VTI1B: variants seen among roughly 807,000 people sequenced by gnomAD.
The protein encoded by VTI1B is vesicle transport through interaction with t-SNAREs homolog 1B.
A neutral mutation model predicts 28.6 loss-of-function variants in VTI1B; 18 were observed. That is an observed-to-expected ratio of 0.63 (90% CI 0.43 to 0.93). The LOEUF (loss-of-function observed/expected upper bound fraction) is 0.93. VTI1B is among the 40% of genes least tolerant of loss of function. The pLI, the probability that VTI1B is intolerant of heterozygous loss-of-function variation, is 0.00. For synonymous variants in VTI1B, 100 were observed against 107.9 expected (o/e 0.93, Z 0.46); for missense variants, 283 against 297.0 (o/e 0.95, Z 0.35).
Position 67,648,719 on chromosome 14 carries a change from G to A in VTI1B, c.*2666C>T, listed in dbSNP as rs998445441. 2.0e-5 allele frequency: 3 copies of A among 152,272 alleles called. No individual in the cohort carries two copies. Among genetic ancestry groups the A allele is most frequent in the African/African-American group, 7.2e-5 (3 of 41,468 alleles). 9.4% of individuals were successfully genotyped at this position (152,272 alleles called of 1,614,324 possible). ...GAATGGCTGATGGAAAGAGTACTAAGATGAATTCTACGTTATCAAGACTGG... is the reference window on the plus strand; with the variant it reads ...GAATGGCTGATGGAAAGAGTACTAAAATGAATTCTACGTTATCAAGACTGG... On this transcript the variant is annotated 3_prime_UTR_variant, in exon 6 of 6. Coordinates refer to ENST00000554659, the MANE Select transcript of VTI1B (RefSeq NM_006370.3).
chr14:67,656,280 GAAAAGCATAAGAACTTAA>G (rs2037256577), intron 4 of VTI1B, 118 bp downstream of exon 4: 1 of 801,122 alleles, frequency 1.2e-6, no homozygotes, highest in African/African-American at 1.8e-5. Flanking sequence ...TAAAAATTGA[GAAAAGCATAAGAACTTAA>G]AAAAGACTAT....
chr14:67,649,977 T>TG lies in VTI1B; in HGVS notation c.*1407dup, dbSNP rs2037150975. 1 of 152,262 alleles carries TG rather than the reference T, an allele frequency of 6.6e-6. No homozygotes were observed. Among genetic ancestry groups the TG allele is most frequent in the Non-Finnish European group, 1.5e-5 (1 of 68,102 alleles). 9.4% of individuals were successfully genotyped at this position (152,262 alleles called of 1,614,324 possible). A position where few individuals can be genotyped will look rare whatever the true frequency, so the allele number is the denominator to read the frequency against. On this transcript the variant is annotated 3_prime_UTR_variant, in exon 6 of 6. Transcript: ENST00000554659. ...TTCTGGTTTAAGCTTCCCTTCCACT[T>TG]GCTCCAGGCCAAAGGAACACTACCG...
rs1235503555 is a variant in VTI1B at position 67,647,732 on chromosome 14, A to C, written c.*3653T>G. On this transcript the variant is annotated 3_prime_UTR_variant, in exon 6 of 6. Coordinates refer to ENST00000554659, the MANE Select transcript of VTI1B (RefSeq NM_006370.3). ...AGCCCAATCTCATCTAGAAGTGAAG[A>C]AATCTCTCTATTGACAGTTATTAGT... 1 of 228,676 alleles carries C rather than the reference A, an allele frequency of 4.4e-6. No homozygotes were observed. The highest frequency in any genetic ancestry group is 8.5e-6 in the Non-Finnish European group (1 of 117,546). 14.2% of individuals were successfully genotyped at this position (228,676 alleles called of 1,614,324 possible). A position where few individuals can be genotyped will look rare whatever the true frequency, so the allele number is the denominator to read the frequency against.
At chr14:67,660,051 T>C in intron 2 of VTI1B, 129 bp from the exon 3 acceptor site, 1 of 959,268 alleles carries the variant, frequency 1.0e-6, no homozygotes, top group Non-Finnish European at 1.5e-6. Context: ...ATATGCTCCA[T>C]GAGGCAGGGA....
At chr14:67,668,411 T>C (rs2037427519) in intron 1 of VTI1B, among the ~76,000 whole-genome samples, 1 of 152,234 alleles carries the variant, frequency 6.6e-6, no homozygotes, top group African/African-American at 2.4e-5. Flanking sequence ...CAGGACACAT[T>C]GTCTCTAGTA....
chr14:67,662,293 G>T (rs1009852513), intron 2 of VTI1B, among the ~76,000 whole-genome samples, 184 bp downstream of exon 2: 2 of 152,012 alleles, frequency 1.3e-5, no homozygotes, highest in South Asian at 2.1e-4. Context: ...GCATCTTCAG[G>T]CTTCACCCAT....
rs561592256 is a variant in VTI1B, at chr14:67,670,710, G to A, written c.115+3665C>T. Among the ~76,000 whole-genome samples the A allele has an allele frequency of 5.9e-5, 9 of 152,166 alleles. No individual in the cohort carries two copies. In the South Asian group the frequency reaches 1.9e-3, roughly 32 times the overall value. Reference sequence around the variant, plus strand: ...CACCCAGCTAATTTTTGTATTTTGAGTAGAGATGGGGTTTCACCATGTTGA... The same window carrying A: ...CACCCAGCTAATTTTTGTATTTTGAATAGAGATGGGGTTTCACCATGTTGA... On this transcript the variant is annotated intron_variant, in intron 1 of 5. Transcript: ENST00000554659.
At chr14:67,672,465 A>ATTTTTTTTT (rs2037479364) in intron 1 of VTI1B, among the ~76,000 whole-genome samples, 1 of 56,530 alleles carries the variant, frequency 1.8e-5, no homozygotes, top group Non-Finnish European at 4.5e-5. Context: ...TTTTTTTTTG[A>ATTTTTTTTT]TACAGAGTCT....
At chr14:67,669,123 T>C (rs1460360261) in intron 1 of VTI1B, among the ~76,000 whole-genome samples, 2 of 152,204 alleles carry the variant, frequency 1.3e-5, no homozygotes, top group African/African-American at 2.4e-5. Flanking sequence ...TATCCCCATT[T>C]GGCAGGAAAA....
At chr14:67,674,343 G>C (rs1161859979) in intron 1 of VTI1B, 32 bp downstream of exon 1, 1 of 1,547,138 alleles carries the variant, frequency 6.5e-7, no homozygotes, top group Non-Finnish European at 8.7e-7. Context: ...GCAGGGCTGC[G>C]CTCCCCACGG....
chr14:67,657,411 T>C (rs1213918999), intron 3 of VTI1B, among the ~76,000 whole-genome samples: 1 of 152,144 alleles, frequency 6.6e-6, no homozygotes, highest in Admixed American at 6.5e-5. Flanking sequence ...TTGAGCAAGC[T>C]TCCCCACCTG....
At chr14:67,667,208 T>G (rs923265775) in intron 1 of VTI1B, among the ~76,000 whole-genome samples, 1 of 152,156 alleles carries the variant, frequency 6.6e-6, no homozygotes, top group Non-Finnish European at 1.5e-5. Flanking sequence ...TTGACCAAGG[T>G]GGGCAGCCTC....
At chr14:67,651,927 G>A (rs902244466) in intron 5 of VTI1B, among the ~76,000 whole-genome samples, 6 of 152,082 alleles carry the variant, frequency 3.9e-5, no homozygotes, top group African/African-American at 1.4e-4. Flanking sequence ...ACCCAAATGG[G>A]TATGTTATAA....
chr14:67,667,313 T>C (rs766380434), intron 1 of VTI1B, among the ~76,000 whole-genome samples: 9 of 152,196 alleles, frequency 5.9e-5, no homozygotes, highest in Non-Finnish European at 7.3e-5. Context: ...AGCTCATAAA[T>C]ATGTGGTTAC....
chr14:67,664,327 T>C (rs139404210), intron 1 of VTI1B, among the ~76,000 whole-genome samples: 130 of 152,298 alleles, frequency 8.5e-4, no homozygotes, highest in African/African-American at 3.0e-3. Flanking sequence ...AGGTACACCA[T>C]TAAGTGGAAT....
intron 3 of VTI1B, 61 bp downstream of exon 3, chr14:67,659,670 T>C: frequency 6.7e-7 from 1 of 1,495,454 alleles, no homozygotes; most frequent in Non-Finnish European, 9.0e-7. Context: ...ACAATATAGT[T>C]AATTTTTGTA....
intron 1 of VTI1B, among the ~76,000 whole-genome samples, chr14:67,665,969 T>A (rs2140838346): frequency 6.6e-6 from 1 of 152,300 alleles, no homozygotes; most frequent in South Asian, 2.1e-4. Flanking sequence ...GGGGATGTGT[T>A]CTTAGCTACC....
chr14:67,657,644 G>A (rs1332816875), intron 3 of VTI1B, among the ~76,000 whole-genome samples: 1 of 151,634 alleles, frequency 6.6e-6, no homozygotes, highest in Non-Finnish European at 1.5e-5. Flanking sequence ...AAGGGACCCA[G>A]CTCACAGAGG....
chr14:67,671,741 G>A (rs1238829138), intron 1 of VTI1B, among the ~76,000 whole-genome samples: 1 of 152,124 alleles, frequency 6.6e-6, no homozygotes, highest in African/African-American at 2.4e-5. Flanking sequence ...AAGGCTGAGA[G>A]GGCTGATTCT....
Sources: allele counts gnomAD v4.1 joint callset (sites outside exome capture counted in the v4.1 genomes callset), GRCh38; gene constraint gnomAD v4.1.1; transcripts MANE v1.5; gene names NCBI Gene and HGNC (gene_info 2026-07-23, HGNC 2026-07-21).